The following MPND variants were observed in gnomAD, a reference collection of about 807,000 sequenced individuals.
MPND encodes MPN domain containing, also known as MPN domain-containing protein.
A neutral mutation model predicts 59.2 loss-of-function variants in MPND; 56 were observed. The observed-to-expected ratio is 0.95, with a 90% CI of 0.76 to 1.18. The LOEUF (loss-of-function observed/expected upper bound fraction) is 1.18. Ranked by LOEUF, MPND falls within the 50% of genes most tolerant of loss-of-function variation. The pLI, the probability that MPND is intolerant of heterozygous loss-of-function variation, is 0.00. For synonymous variants in MPND, 323 were observed against 291.9 expected (o/e 1.11, Z -1.09); for missense variants, 671 against 676.0 (o/e 0.99, Z 0.08).
At chr19:4,347,898 T>TG in intron 3 of MPND, 1 of 83,648 alleles carries the variant, frequency 1.2e-5, no homozygotes, top group Non-Finnish European at 2.6e-5. Context: ...TTTTTTTTTG[T>TG]TTTTTTTTTT....
intron 2 of MPND, 140 bp downstream of exon 2, chr19:4,344,134 C>G (rs1244863726): frequency 1.8e-6 from 1 of 566,152 alleles, no homozygotes; most frequent in Non-Finnish European, 2.6e-6. Context: ...AGAGACGAGC[C>G]CCGGTGTGGC....
intron 11 of MPND, among the ~76,000 whole-genome samples, chr19:4,358,797 C>A (rs938473222): frequency 4.6e-5 from 7 of 152,260 alleles, no homozygotes; most frequent in East Asian, 3.9e-4. Context: ...AAGGAAAAAA[C>A]CCAACAAAAC....
chr19:4,357,259 C>T lies in MPND; in HGVS notation c.1003C>T (p.Gln335Ter). 6.2e-7 allele frequency: 1 copy of T among 1,601,746 alleles called. No individual in the cohort carries two copies. ...TAAAIEEEIYQSLFLRGLSLV... is the reference protein window; with the variant it reads ...TAAAIEEEIY Reference sequence around the variant, plus strand: ...GCTGCGCCTCTGTCCCCAGATCTACCAGAGCCTGTTCCTGCGGGGCCTGTC... The same window carrying T: ...GCTGCGCCTCTGTCCCCAGATCTACTAGAGCCTGTTCCTGCGGGGCCTGTC... The change falls in exon 9 of 13, where the codon CAG becomes TAG. Residue 335 changes from glutamine to a stop codon, truncating the protein, a stop_gained. Transcript: ENST00000599840. LOFTEE classifies it high-confidence loss of function.
chr19:4,346,081 A>G, intron 3 of MPND, 100 bp downstream of exon 3: 1 of 1,001,048 alleles, frequency 1.0e-6, no homozygotes. Flanking sequence ...TTAGTAATAT[A>G]TACAAACACG....
intron 10 of MPND, 82 bp downstream of exon 10, chr19:4,357,667 C>A: frequency 7.3e-7 from 1 of 1,371,260 alleles, no homozygotes; most frequent in South Asian, 1.3e-5. Flanking sequence ...GCCCCTGGTT[C>A]CAGGCTCCAC....
chr19:4,343,631 G>A (rs1429575483), intron 1 of MPND, 31 bp downstream of exon 1: 1 of 1,208,350 alleles, frequency 8.3e-7, no homozygotes, highest in Non-Finnish European at 1.0e-6. Context: ...CGGAGGCGCG[G>A]GGCGCGGGGC....
chr19:4,352,870 G>A (rs752899972), intron 3 of MPND, 27 bp from the exon 4 acceptor site: 11 of 1,328,422 alleles, frequency 8.3e-6, no homozygotes, highest in African/African-American at 4.5e-5. Flanking sequence ...GGGTCCCACC[G>A]CTGTCCCTGA....
At chr19:4,357,790 CAG>C (rs1220225323) in intron 10 of MPND, 10 of 621,916 alleles carry the variant, frequency 1.6e-5, no homozygotes, top group Admixed American at 8.8e-5. Flanking sequence ...ATTGGCTGCT[CAG>C]TACAAAGAGG....
At chr19:4,359,587 C>G (rs1192673033) in intron 12 of MPND, among the ~76,000 whole-genome samples, 2 of 152,158 alleles carry the variant, frequency 1.3e-5, no homozygotes, top group Admixed American at 1.3e-4. Context: ...TAGAAAGGGA[C>G]TCATTCTGCT....
chr19:4,359,321 AGGT>A, intron 12 of MPND, 66 bp downstream of exon 12: 1 of 1,242,360 alleles, frequency 8.0e-7, no homozygotes, highest in Admixed American at 1.8e-5. Context: ...GCAGCCTAAA[AGGT>A]GGCAGCAATG....
At chr19:4,353,977 C>A in intron 4 of MPND, 68 bp from the exon 5 acceptor site, 1 of 1,387,712 alleles carries the variant, frequency 7.2e-7, no homozygotes, top group Non-Finnish European at 1.0e-6. Flanking sequence ...CACCACCACA[C>A]CCAGTGGCCA....
In MPND at chr19:4,358,115, T is replaced by A. The variant is rs1454252717; in HGVS notation, c.1269T>A (p.Asp423Glu). The A allele has an allele frequency of 6.4e-7, 1 of 1,551,478 alleles. No individual in the cohort carries two copies. Among genetic ancestry groups the A allele is most frequent in the Admixed American group, 2.0e-5 (1 of 50,992 alleles). The change falls in exon 11 of 13, where the codon GAT becomes GAA. Residue 423 changes from aspartate (D) to glutamate (E), a missense_variant. Physicochemically the swap from Asp to Glu is conservative, Grantham distance 45 (BLOSUM62 2). Coordinates refer to ENST00000599840, the MANE Select transcript of MPND (RefSeq NM_001300862.2). ...QRPSDYGIPM[D>E]VEMAYVQDSF... ...CCAGTGACTATGGCATCCCCATGGA[T>A]GTGGAGATGGCCTACGTCCAGGACA...
At chr19:4,350,588 G>A (rs754855077) in intron 3 of MPND, among the ~76,000 whole-genome samples, 50 of 152,308 alleles carry the variant, frequency 3.3e-4, no homozygotes, top group Admixed American at 7.2e-4. Context: ...AAGTGTATCC[G>A]CCAGATTTGC....
chr19:4,356,232 T>C (rs914156217), intron 8 of MPND, among the ~76,000 whole-genome samples: 4 of 151,958 alleles, frequency 2.6e-5, no homozygotes, highest in Non-Finnish European at 5.9e-5. Context: ...TTGGTTTCCT[T>C]GTCTGTAAAA....
intron 3 of MPND, chr19:4,347,897 G>T (rs200516910): frequency 9.4e-4 from 150 of 158,860 alleles, no homozygotes; most frequent in Middle Eastern, 3.1e-3. Context: ...GTTTTTTTTT[G>T]TTTTTTTTTT....
At chr19:4,346,065 G>C in intron 3 of MPND, 84 bp downstream of exon 3, 1 of 1,165,192 alleles carries the variant, frequency 8.6e-7, no homozygotes, top group African/African-American at 1.5e-5. Context: ...CTCTCCGGAG[G>C]AGGTATTAGT....
chr19:4,359,405 C>T, intron 12 of MPND, 150 bp downstream of exon 12: 1 of 612,282 alleles, frequency 1.6e-6, no homozygotes, highest in Non-Finnish European at 2.9e-6. Context: ...CCCGTGGCCA[C>T]CCCAGCAGGG....
In MPND at chr19:4,345,803, G is replaced by A; in HGVS notation, c.353G>A (p.Gly118Glu). Residue 118 changes from glycine (G) to glutamate (E), a missense_variant, in exon 3 of 13, where the codon GGG becomes GAG. Physicochemically the swap from Gly to Glu is moderately conservative, Grantham distance 98 (BLOSUM62 -2). Transcript: ENST00000599840. ...PDGRIMWQET[G>E]QTFNSPSAWA... ...GGAAGGATCATGTGGCAGGAGACCG[G>A]GCAGACCTTCAACTCACCCAGCGCC... 1 of 1,613,952 alleles carries A rather than the reference G, an allele frequency of 6.2e-7. No homozygotes were observed. Among genetic ancestry groups the A allele is most frequent in the South Asian group, 1.1e-5 (1 of 91,082 alleles).
chr19:4,346,301 G>A (rs1972184743), intron 3 of MPND, among the ~76,000 whole-genome samples: 1 of 152,172 alleles, frequency 6.6e-6, no homozygotes, highest in African/African-American at 2.4e-5. Context: ...TGAGGGGGCT[G>A]GAAATGATGG....
Sources: gnomAD v4.1 joint callset for allele counts (sites outside exome capture counted in the v4.1 genomes callset) on GRCh38, gnomAD v4.1.1 for gene constraint, MANE v1.5 for transcripts, NCBI Gene and HGNC (gene_info 2026-07-23, HGNC 2026-07-21) for gene names.